MED27: variants seen among roughly 807,000 people sequenced by gnomAD.
The protein encoded by MED27 is mediator of RNA polymerase II transcription subunit 27.
In MED27, 30 loss-of-function variants were observed where a neutral mutation model predicts 38.2. The observed-to-expected ratio is 0.79, with a 90% CI of 0.59 to 1.07. The LOEUF is 1.07. MED27 is among the 50% of genes least tolerant of loss of function. MED27 has a pLI of 0.00. For missense variants in MED27, 289 were observed against 397.5 expected, an observed-to-expected ratio of 0.73 and a Z score of 2.32; for synonymous variants, 122 against 153.5, an observed-to-expected ratio of 0.79 and a Z score of 1.52.
chr9:131,894,728 C>T (rs1428441723), intron 4 of MED27, among the ~76,000 whole-genome samples: 1 of 152,112 alleles, frequency 6.6e-6, no homozygotes, highest in Non-Finnish European at 1.5e-5. Flanking sequence ...ACAGCACCTT[C>T]CCTTCTTTAG....
intron 2 of MED27, among the ~76,000 whole-genome samples, chr9:132,050,378 G>A (rs184698777): frequency 1.3e-5 from 2 of 152,332 alleles, no homozygotes; most frequent in East Asian, 3.9e-4. Flanking sequence ...CCGGGCTAAG[G>A]AGGACGCTTG....
At position 131,872,675 on chromosome 9, in the gene MED27, G is replaced by A. The variant is rs1838859047; in HGVS notation, c.724-9535C>T. Among the ~76,000 whole-genome samples, 1 of 152,176 alleles carries A rather than the reference G, an allele frequency of 6.6e-6. No homozygotes were observed. Among genetic ancestry groups the A allele is most frequent in the Non-Finnish European group, 1.5e-5 (1 of 68,044 alleles). ...GCGTGGGGAGGCTGGGGTGGGGCTG[G>A]GTGATTCTGCAGGCCCCTCTAGGTC... On this transcript the variant is annotated intron_variant, in intron 6 of 7. Coordinates refer to ENST00000292035, the MANE Select transcript of MED27 (RefSeq NM_004269.4). The surrounding 1 kb of genome is among the most constrained non-coding windows in gnomAD (Gnocchi z 5.6).
chr9:131,922,510 G>A (rs1830412816), intron 4 of MED27, among the ~76,000 whole-genome samples: 1 of 149,544 alleles, frequency 6.7e-6, no homozygotes, highest in African/African-American at 2.5e-5. Context: ...GCACGATCTT[G>A]CCTCACTGCA....
rs115530046 is a variant in MED27, at chr9:132,025,756, T to A, written c.349-11289A>T. The stretch of plus-strand genomic sequence containing the variant: ...CAAAATCATACTCTGGTTATTGGAG[T>A]TAGTGAGGGTTAAGAACATGAAAAG... On this transcript the variant is annotated intron_variant, in intron 2 of 7. Coordinates refer to ENST00000292035, the MANE Select transcript of MED27 (RefSeq NM_004269.4). Among the ~76,000 whole-genome samples, 1,323 of 152,148 alleles carry A rather than the reference T, an allele frequency of 8.7e-3. 12 individuals are homozygous for A. The highest frequency in any genetic ancestry group is 0.03 in the African/African-American group (1,238 of 41,516).
At chr9:132,008,665 A>C (rs1437543174) in intron 3 of MED27, among the ~76,000 whole-genome samples, 1 of 152,156 alleles carries the variant, frequency 6.6e-6, no homozygotes, top group Non-Finnish European at 1.5e-5. Context: ...AAACAAACAC[A>C]TCGTACACAG....
chr9:131,860,629 T>C lies in MED27; in HGVS notation c.845A>G (p.Gln282Arg). The C allele has an allele frequency of 6.2e-7, 1 of 1,612,694 alleles. No individual in the cohort carries two copies. The highest frequency in any genetic ancestry group is 8.5e-7 in the Non-Finnish European group (1 of 1,179,502). The change falls in exon 8 of 8, where the codon CAG becomes CGG. Residue 282 changes from glutamine (Q) to arginine (R), a missense_variant. Coordinates refer to ENST00000292035, the MANE Select transcript of MED27 (RefSeq NM_004269.4). The surrounding 1 kb of genome is among the most constrained non-coding windows in gnomAD (Gnocchi z 5.8). ...SYIKLFQAPC[Q>R]RCGKFLQDGL... ...GTCCTGCAGAAACTTCCCGCAGCGCTGGCACGGGGCCTGGAACAGCTTTAT... is the reference window on the plus strand; with the variant it reads ...GTCCTGCAGAAACTTCCCGCAGCGCCGGCACGGGGCCTGGAACAGCTTTAT...
intron 4 of MED27, among the ~76,000 whole-genome samples, chr9:131,911,067 C>A (rs543781818): frequency 4.6e-5 from 7 of 152,220 alleles, no homozygotes; most frequent in African/African-American, 1.7e-4. Flanking sequence ...AGGATCTTTA[C>A]AAGAGATTTT....
At position 132,013,753 on chromosome 9, in the gene MED27, C is replaced by CA; in HGVS notation, c.479+583dup. ...CACCTTTGGGAATGTGATAAGGAAA[C>CA]AAATAATAAGCCGTGAGGTCTCTTA... On this transcript the variant is annotated intron_variant, in intron 3 of 7. Coordinates refer to ENST00000292035, the MANE Select transcript of MED27 (RefSeq NM_004269.4). Among the ~76,000 whole-genome samples the CA allele has an allele frequency of 3.3e-5, 5 of 152,030 alleles. 1 individual carries two copies. Among genetic ancestry groups the CA allele is most frequent in the East Asian group, 3.9e-4 (2 of 5,176 alleles).
chr9:131,867,337 A>G (rs1020419909), intron 6 of MED27, among the ~76,000 whole-genome samples: 2 of 152,152 alleles, frequency 1.3e-5, no homozygotes, highest in Admixed American at 1.3e-4. Flanking sequence ...CTGTGGTAGA[A>G]GTTACCAGCG....
In MED27 at chr9:132,045,244, T is replaced by C. The variant is rs74742030; in HGVS notation, c.349-30777A>G. ...TCAAGATTGTTCCCTGCAGGCATATTTGTAAACATAAAATAGCTAGGCAAC... is the reference window on the plus strand; with the variant it reads ...TCAAGATTGTTCCCTGCAGGCATATCTGTAAACATAAAATAGCTAGGCAAC... On this transcript the variant is annotated intron_variant, in intron 2 of 7. Coordinates refer to ENST00000292035, the MANE Select transcript of MED27 (RefSeq NM_004269.4). 1.5e-3 allele frequency among the ~76,000 whole-genome samples: 225 copies of C among 152,246 alleles called. 1 individual carries two copies. Among genetic ancestry groups the C allele is most frequent in the African/African-American group, 5.3e-3 (219 of 41,546 alleles).
chr9:131,946,654 GC>G (rs1417473598), intron 3 of MED27, among the ~76,000 whole-genome samples: 1 of 152,146 alleles, frequency 6.6e-6, no homozygotes, highest in Non-Finnish European at 1.5e-5. Context: ...TCCTAGGAGG[GC>G]CAAGGAGACC....
At chr9:131,877,109 C>T (rs1230451821) in intron 6 of MED27, among the ~76,000 whole-genome samples, 1 of 152,294 alleles carries the variant, frequency 6.6e-6, no homozygotes, top group African/African-American at 2.4e-5. Flanking sequence ...GTGGGGGTCT[C>T]ACCTGTGCAG....
intron 2 of MED27, among the ~76,000 whole-genome samples, chr9:132,026,014 C>T (rs1277692002): frequency 3.9e-5 from 6 of 152,150 alleles, no homozygotes; most frequent in African/African-American, 1.4e-4. Flanking sequence ...ATGGCTGAGT[C>T]ATAAGAGAGT....
chr9:132,005,722 T>C (rs982280984), intron 3 of MED27, among the ~76,000 whole-genome samples: 7 of 152,216 alleles, frequency 4.6e-5, no homozygotes, highest in African/African-American at 1.7e-4. Flanking sequence ...GGACATGGAA[T>C]TGATACGGAT....
intron 3 of MED27, among the ~76,000 whole-genome samples, chr9:131,978,800 G>A (rs920582738): frequency 1.3e-5 from 2 of 152,192 alleles, no homozygotes; most frequent in Admixed American, 1.3e-4. Flanking sequence ...CTACTCTTCA[G>A]AACAACTGCA....
chr9:132,054,041 A>C (rs1187415475), intron 2 of MED27, among the ~76,000 whole-genome samples: 1 of 152,204 alleles, frequency 6.6e-6, no homozygotes, highest in African/African-American at 2.4e-5. Flanking sequence ...TCAAAACTAA[A>C]GATAATATGG....
intron 5 of MED27, among the ~76,000 whole-genome samples, chr9:131,884,921 C>G (rs1275106561): frequency 3.3e-5 from 5 of 152,152 alleles, no homozygotes; most frequent in African/African-American, 4.8e-5. Flanking sequence ...TTTACCATTT[C>G]AAAATTTAAA....
chr9:132,041,992 CTGT>C (rs1217191796), intron 2 of MED27, among the ~76,000 whole-genome samples: 1 of 152,226 alleles, frequency 6.6e-6, no homozygotes, highest in Non-Finnish European at 1.5e-5. Flanking sequence ...ACAGGACCAT[CTGT>C]TGTTAGGATC....
chr9:131,982,392 C>T lies in MED27; in HGVS notation c.479+31945G>A, dbSNP rs1440366845. 6.6e-6 allele frequency among the ~76,000 whole-genome samples: 1 copy of T among 152,206 alleles called. No individual in the cohort carries two copies. Among genetic ancestry groups the T allele is most frequent in the East Asian group, 1.9e-4 (1 of 5,196 alleles). On this transcript the variant is annotated intron_variant, in intron 3 of 7. Transcript: ENST00000292035. The surrounding 1 kb of genome is among the most constrained non-coding windows in gnomAD (Gnocchi z 4.3). ...ACCAACCACACAACTGAATACAACT[C>T]CCTGAATGATCACTGACAAGATCAG...
Sources: gnomAD v4.1 joint callset for allele counts (sites outside exome capture counted in the v4.1 genomes callset) on GRCh38, gnomAD v4.1.1 for gene constraint, Gnocchi (gnomAD v3.1) non-coding constraint, MANE v1.5 for transcripts, NCBI Gene and HGNC (gene_info 2026-07-23, HGNC 2026-07-21) for gene names.